The following EML6 variants were observed in gnomAD, a reference collection of about 807,000 sequenced individuals.
The protein encoded by EML6 is EMAP like 6.
EML6 carries 154 observed loss-of-function variants against 240.1 expected under a neutral mutation model. That is an observed-to-expected ratio of 0.64 (90% CI 0.56 to 0.73). The LOEUF is 0.73. Ranked by LOEUF, EML6 falls within the 30% of genes least tolerant of loss-of-function variation. The pLI is 0.00. For synonymous variants in EML6, 1,148 were observed against 899.0 expected (o/e 1.28, Z -4.95); for missense variants, 2,964 against 2,474.6 (o/e 1.20, Z -4.20).
At position 54,953,756 on chromosome 2, in the gene EML6, G is replaced by A. The variant is rs1201570411; in HGVS notation, c.4313-227G>A. ...ACAAAAATTAGCTGGGTGTGGTGGT[G>A]CGTGCCTGTAATCCCAGCTACTCGG... On this transcript the variant is annotated intron_variant, in intron 31 of 41. Coordinates refer to ENST00000356458, the MANE Select transcript of EML6 (RefSeq NM_001039753.4). 5.3e-5 allele frequency among the ~76,000 whole-genome samples: 8 copies of A among 152,034 alleles called. No individual in the cohort carries two copies. The East Asian group carries it at 1.2e-3, about 22-fold the overall frequency.
chr2:54,930,948 G>A lies in EML6; in HGVS notation c.4004+2197G>A, dbSNP rs957909323. Among the ~76,000 whole-genome samples, 5 of 146,710 alleles carry A rather than the reference G, an allele frequency of 3.4e-5. No individual in the cohort carries two copies. In the South Asian group the frequency reaches 1.1e-3, roughly 32 times the overall value. On this transcript the variant is annotated intron_variant, in intron 28 of 41. Coordinates refer to ENST00000356458, the MANE Select transcript of EML6 (RefSeq NM_001039753.4). ...ACTGAACCTCAGAGATCAGACCGTA[G>A]GCATCTTTTTTTTTTTTTTTTTTTT... is the stretch of plus-strand genomic sequence containing the variant.
At chr2:54,801,785 A>G (rs1670164282) in intron 2 of EML6, among the ~76,000 whole-genome samples, 1 of 152,202 alleles carries the variant, frequency 6.6e-6, no homozygotes, top group Non-Finnish European at 1.5e-5. Context: ...TTTGTAGCTA[A>G]TTTGGTTAGA....
At chr2:54,882,491 AG>A (rs1671869921) in intron 17 of EML6, 1 of 152,104 alleles carries the variant, frequency 6.6e-6, no homozygotes, top group African/African-American at 2.4e-5. Context: ...AATGAATAGG[AG>A]GGATCTTGGA....
At chr2:54,915,924 A>G (rs1233299217) in intron 25 of EML6, among the ~76,000 whole-genome samples, 1 of 152,244 alleles carries the variant, frequency 6.6e-6, no homozygotes, top group Non-Finnish European at 1.5e-5. Flanking sequence ...TCTCCCAGAA[A>G]GCCATAATGT....
At chr2:54,911,126 C>G in intron 25 of EML6, 84 bp downstream of exon 25, 1 of 684,306 alleles carries the variant, frequency 1.5e-6, no homozygotes, top group African/African-American at 1.8e-5. Context: ...ACGTTAACCA[C>G]TAATATGGGT....
chr2:54,898,445 G>A (rs1161234070), intron 21 of EML6, among the ~76,000 whole-genome samples: 1 of 152,156 alleles, frequency 6.6e-6, no homozygotes, highest in Non-Finnish European at 1.5e-5. Context: ...CCCTGACTGT[G>A]ACTCTGGGGC....
chr2:54,878,396 C>G (rs1184535199), intron 16 of EML6, among the ~76,000 whole-genome samples: 1 of 152,200 alleles, frequency 6.6e-6, no homozygotes, highest in Non-Finnish European at 1.5e-5. Context: ...CACTCGTCTC[C>G]TAGCAACCGC....
intron 28 of EML6, among the ~76,000 whole-genome samples, chr2:54,934,792 G>C (rs750872243): frequency 6.6e-6 from 1 of 152,100 alleles, no homozygotes; most frequent in Non-Finnish European, 1.5e-5. Flanking sequence ...GGCTCAAGCG[G>C]TCTTACACCT....
At chr2:54,920,843 G>C (rs193115268) in intron 26 of EML6, among the ~76,000 whole-genome samples, 1 of 152,204 alleles carries the variant, frequency 6.6e-6, no homozygotes, top group African/African-American at 2.4e-5. Context: ...GGGATGCAAG[G>C]ATGGTTCGAC....
intron 17 of EML6, 52 bp from the exon 18 acceptor site, chr2:54,891,002 T>C (rs2104092836): frequency 1.2e-6 from 1 of 854,112 alleles, no homozygotes; most frequent in Non-Finnish European, 1.8e-6. Flanking sequence ...TTAATAAAAC[T>C]GTTACTGCTT....
chr2:54,810,675 G>A (rs1004620116), intron 2 of EML6, among the ~76,000 whole-genome samples: 7 of 152,090 alleles, frequency 4.6e-5, no homozygotes, highest in Admixed American at 2.6e-4. Context: ...AGGGGGAGAG[G>A]CAATATGGCA....
At chr2:54,944,440 C>G (rs1558712185) in intron 28 of EML6, among the ~76,000 whole-genome samples, 1 of 152,144 alleles carries the variant, frequency 6.6e-6, no homozygotes. Context: ...TAAATATTCA[C>G]CTGTTTTCTT....
At chr2:54,967,701 G>C (rs1454535504) in intron 39 of EML6, among the ~76,000 whole-genome samples, 1 of 152,148 alleles carries the variant, frequency 6.6e-6, no homozygotes, top group Non-Finnish European at 1.5e-5. Flanking sequence ...TGCCAGGAGA[G>C]CCACATGGCT....
rs145661996 is a variant in EML6 at position 54,935,641 on chromosome 2, A to C, written c.4004+6890A>C. Among the ~76,000 whole-genome samples, 55 of 152,350 alleles carry C rather than the reference A, an allele frequency of 3.6e-4. No homozygotes were observed. In the East Asian group the frequency reaches 4.6e-3, roughly 13 times the overall value. Reference sequence around the variant, plus strand: ...AACAATCAACTTTTAAAATACATTCATGCTGAGGTTTGTTACTTTTAAAAA... The same window carrying C: ...AACAATCAACTTTTAAAATACATTCCTGCTGAGGTTTGTTACTTTTAAAAA... On this transcript the variant is annotated intron_variant, in intron 28 of 41. Transcript: ENST00000356458.
At chr2:54,776,957 T>A (rs960337287) in intron 2 of EML6, among the ~76,000 whole-genome samples, 37 of 152,100 alleles carry the variant, frequency 2.4e-4, no homozygotes, top group Non-Finnish European at 4.9e-4. Context: ...TTCTTTGGTT[T>A]AAAAAAAACA....
At chr2:54,763,634 T>C (rs1668066015) in intron 2 of EML6, among the ~76,000 whole-genome samples, 1 of 152,204 alleles carries the variant, frequency 6.6e-6, no homozygotes, top group Non-Finnish European at 1.5e-5. Context: ...TACTGTCTGT[T>C]CTCCAAGTCA....
At chr2:54,918,465 C>G (rs956377231) in intron 26 of EML6, among the ~76,000 whole-genome samples, 1 of 152,224 alleles carries the variant, frequency 6.6e-6, no homozygotes, top group Non-Finnish European at 1.5e-5. Flanking sequence ...CAATCCACCT[C>G]AGCCTCCCCA....
chr2:54,897,637 G>A (rs1385539154), intron 21 of EML6, among the ~76,000 whole-genome samples: 1 of 151,898 alleles, frequency 6.6e-6, no homozygotes, highest in Non-Finnish European at 1.5e-5. Flanking sequence ...GCTGCTGGAA[G>A]CTTCAGACCA....
At position 54,816,595 on chromosome 2, in the gene EML6, A is replaced by C. The variant is rs570054729; in HGVS notation, c.358-192A>C. ...GGAGCTGTAGCTCTTAGGTTCTTGAAATTTCAGCATATACTAATGGAAGTC... is the reference window on the plus strand; with the variant it reads ...GGAGCTGTAGCTCTTAGGTTCTTGACATTTCAGCATATACTAATGGAAGTC... On this transcript the variant is annotated intron_variant, in intron 3 of 41. Coordinates refer to ENST00000356458, the MANE Select transcript of EML6 (RefSeq NM_001039753.4). Among the ~76,000 whole-genome samples, 6 of 152,316 alleles carry C rather than the reference A, an allele frequency of 3.9e-5. No homozygotes were observed. The South Asian group carries it at 1.2e-3, about 32-fold the overall frequency.
Sources: gnomAD v4.1 joint callset for allele counts (sites outside exome capture counted in the v4.1 genomes callset) on GRCh38, gnomAD v4.1.1 for gene constraint, MANE v1.5 for transcripts, NCBI Gene and HGNC (gene_info 2026-07-23, HGNC 2026-07-21) for gene names.